Variants in GRM7 observed in about 807,000 individuals in gnomAD.
GRM7 encodes the protein glutamate metabotropic receptor 7, also known as metabotropic glutamate receptor 7.
In GRM7, 35 loss-of-function variants were observed where a neutral mutation model predicts 84.5. That is an observed-to-expected ratio of 0.41 (90% CI 0.32 to 0.55). The LOEUF (loss-of-function observed/expected upper bound fraction) is 0.55, where lower values mean the gene tolerates loss of function less well. GRM7 is among the 20% of genes least tolerant of loss of function. The probability of loss-of-function intolerance (pLI) is 0.19; values close to 1 mark genes in which losing one functional copy is unlikely to be tolerated. For synonymous variants in GRM7, 487 were observed against 455.1 expected (o/e 1.07, Z -0.89); for missense variants, 1,003 against 1,194.6 (o/e 0.84, Z 2.36).
At chr3:7,606,001 TA>T (rs1175301641) in intron 8 of GRM7, among the ~76,000 whole-genome samples, 2 of 152,326 alleles carry the variant, frequency 1.3e-5, no homozygotes, top group African/African-American at 4.8e-5. Context: ...ATGTCTGAGG[TA>T]TACTGTTGTT....
intron 1 of GRM7, among the ~76,000 whole-genome samples, chr3:7,072,019 A>G (rs184622278): frequency 8.6e-4 from 131 of 152,298 alleles, no homozygotes; most frequent in African/African-American, 3.0e-3. Flanking sequence ...AATGGCAAGG[A>G]AGCAAGGAAA....
intron 7 of GRM7, among the ~76,000 whole-genome samples, chr3:7,559,825 A>C (rs1017985525): frequency 1.3e-5 from 2 of 152,066 alleles, no homozygotes; most frequent in African/African-American, 4.8e-5. Flanking sequence ...GTCCAACATC[A>C]AAGTGCCATC....
chr3:7,474,748 C>T (rs1439865143), intron 7 of GRM7, among the ~76,000 whole-genome samples: 1 of 152,038 alleles, frequency 6.6e-6, no homozygotes, highest in Non-Finnish European at 1.5e-5. Flanking sequence ...GTCATGATGT[C>T]ACGTTTACAG....
chr3:6,883,536 A>G (rs1695587232), intron 1 of GRM7, among the ~76,000 whole-genome samples: 3 of 152,196 alleles, frequency 2.0e-5, no homozygotes, highest in African/African-American at 7.2e-5. Flanking sequence ...TATAGCCTCT[A>G]TGAAACTGTA....
chr3:7,718,596 A>G (rs562882506), intron 9 of GRM7, among the ~76,000 whole-genome samples: 1 of 152,270 alleles, frequency 6.6e-6, no homozygotes, highest in South Asian at 2.1e-4. Context: ...CCCACAGCAC[A>G]CCAAGAGTAC....
chr3:7,660,826 G>A (rs1434592536), intron 8 of GRM7, among the ~76,000 whole-genome samples: 3 of 151,794 alleles, frequency 2.0e-5, no homozygotes, highest in African/African-American at 7.3e-5. Context: ...CCACAAATGT[G>A]TGAACAACTG....
At chr3:6,893,983 G>C (rs1274624759) in intron 1 of GRM7, 1 of 152,162 alleles carries the variant, frequency 6.6e-6, no homozygotes, top group Admixed American at 6.6e-5. Context: ...CATATGAACA[G>C]CTTCCATTAC....
At chr3:7,662,936 A>C (rs558852050) in intron 8 of GRM7, among the ~76,000 whole-genome samples, 1 of 152,292 alleles carries the variant, frequency 6.6e-6, no homozygotes, top group African/African-American at 2.4e-5. Context: ...TGGGGAGAGG[A>C]TGTGTCTTTT....
intron 8 of GRM7, among the ~76,000 whole-genome samples, chr3:7,600,699 G>A (rs1056327394): frequency 1.3e-5 from 2 of 152,034 alleles, no homozygotes; most frequent in East Asian, 3.9e-4. Flanking sequence ...ATGCCTTATA[G>A]TTTGCCCATA....
intron 2 of GRM7, among the ~76,000 whole-genome samples, chr3:7,246,098 T>G (rs1365382310): frequency 6.6e-6 from 1 of 152,154 alleles, no homozygotes; most frequent in Non-Finnish European, 1.5e-5. Flanking sequence ...CAATTTTTTT[T>G]CTTTGACATG....
intron 1 of GRM7, among the ~76,000 whole-genome samples, chr3:7,036,635 G>T (rs767084720): frequency 6.6e-6 from 1 of 151,928 alleles, no homozygotes; most frequent in African/African-American, 2.4e-5. Flanking sequence ...GGTTTTTTTC[G>T]TTAAAATTAT....
intron 2 of GRM7, among the ~76,000 whole-genome samples, chr3:7,155,436 C>T (rs941181415): frequency 1.3e-5 from 2 of 151,762 alleles, no homozygotes; most frequent in African/African-American, 4.8e-5. Context: ...TGTGCCCACA[C>T]ACAAGAAATG....
At chr3:7,096,481 G>T (rs1025145122) in intron 1 of GRM7, among the ~76,000 whole-genome samples, 9 of 152,024 alleles carry the variant, frequency 5.9e-5, no homozygotes, top group Non-Finnish European at 1.0e-4. Context: ...GTCTAAGAGG[G>T]ATCACAGAGC....
At position 6,863,667 on chromosome 3, in the gene GRM7, A is replaced by G. The variant is rs899978829; in HGVS notation, c.519+1760A>G. 6.6e-5 allele frequency among the ~76,000 whole-genome samples: 10 copies of G among 152,312 alleles called. No individual in the cohort carries two copies. The South Asian group carries it at 1.9e-3, about 28-fold the overall frequency. ...TTCCTTCATCTTTGAGCTTAAAGCTAGACAAGTTGAGGTAGCAGTGCAGCG... is the reference window on the plus strand; with the variant it reads ...TTCCTTCATCTTTGAGCTTAAAGCTGGACAAGTTGAGGTAGCAGTGCAGCG... On this transcript the variant is annotated intron_variant, in intron 1 of 9. Transcript: ENST00000357716. The surrounding 1 kb of genome is among the most constrained non-coding windows in gnomAD (Gnocchi z 4.8).
chr3:7,356,984 A>G (rs1693437309), intron 4 of GRM7, among the ~76,000 whole-genome samples: 1 of 149,776 alleles, frequency 6.7e-6, no homozygotes, highest in Admixed American at 6.7e-5. Context: ...AATATACTTC[A>G]AATGTGACAT....
intron 1 of GRM7, among the ~76,000 whole-genome samples, chr3:7,063,182 C>T (rs903094120): frequency 1.3e-5 from 2 of 151,762 alleles, no homozygotes; most frequent in African/African-American, 2.4e-5. Context: ...GTGACACAGC[C>T]CTCTCCCGCC....
chr3:7,589,621 G>C (rs1310884206), intron 8 of GRM7, among the ~76,000 whole-genome samples: 1 of 152,186 alleles, frequency 6.6e-6, no homozygotes, highest in Non-Finnish European at 1.5e-5. Context: ...TGAGAGCTGT[G>C]TGGATGATTG....
Position 7,187,177 on chromosome 3 carries a change from C to T in GRM7, c.736+40509C>T, listed in dbSNP as rs188230292. ...CAATTAAATGCTTTTCTGAAATATG[C>T]CCATGCTACTGCAGGAAGTGAGAAC... On this transcript the variant is annotated intron_variant, in intron 2 of 9. Coordinates refer to ENST00000357716, the MANE Select transcript of GRM7 (RefSeq NM_000844.4). Among the ~76,000 whole-genome samples the T allele has an allele frequency of 2.0e-3, 304 of 149,222 alleles. 2 individuals are homozygous for T. Among genetic ancestry groups the T allele is most frequent in the African/African-American group, 7.5e-3 (295 of 39,206 alleles).
intron 2 of GRM7, among the ~76,000 whole-genome samples, chr3:7,183,493 G>A (rs1207080806): frequency 6.6e-6 from 1 of 152,126 alleles, no homozygotes. Context: ...AGGGCGTGGT[G>A]GTGCATGCCT....
Sources: gnomAD v4.1 joint callset for allele counts (sites outside exome capture counted in the v4.1 genomes callset) on GRCh38, gnomAD v4.1.1 for gene constraint, Gnocchi (gnomAD v3.1) non-coding constraint, MANE v1.5 for transcripts, NCBI Gene and HGNC (gene_info 2026-07-23, HGNC 2026-07-21) for gene names.